DTD1: variants seen among roughly 807,000 people sequenced by gnomAD.
DTD1 encodes D-tyrosyl-tRNA deacylase 1 homolog.
In DTD1, 13 loss-of-function variants were observed where a neutral mutation model predicts 25.6. The observed-to-expected ratio is 0.51, with a 90% CI of 0.33 to 0.81. DTD1 has a LOEUF of 0.81. DTD1 is among the 30% of genes least tolerant of loss of function. The pLI is 0.02. For missense variants in DTD1, 193 were observed against 266.4 expected, an observed-to-expected ratio of 0.72 and a Z score of 1.92; for synonymous variants, 110 against 103.6, an observed-to-expected ratio of 1.06 and a Z score of -0.37.
intron 1 of DTD1, among the ~76,000 whole-genome samples, chr20:18,588,534 A>G (rs2122233289): frequency 6.6e-6 from 1 of 152,276 alleles, no homozygotes; most frequent in Non-Finnish European, 1.5e-5. Flanking sequence ...TTAAATGTTC[A>G]ATTTTTGCCC....
chr20:18,637,375 A>G (rs1308426440), intron 4 of DTD1, among the ~76,000 whole-genome samples: 2 of 152,210 alleles, frequency 1.3e-5, no homozygotes, highest in Non-Finnish European at 2.9e-5. Context: ...CGATGCAGCA[A>G]CAACAGCTCA....
chr20:18,715,715 C>T (rs1365397256), intron 4 of DTD1, among the ~76,000 whole-genome samples: 1 of 152,202 alleles, frequency 6.6e-6, no homozygotes, highest in Non-Finnish European at 1.5e-5. Flanking sequence ...GCTGGTTTTA[C>T]TTGCATCCCT....
intron 5 of DTD1, among the ~76,000 whole-genome samples, chr20:18,748,165 T>G (rs2122526434): frequency 7.5e-6 from 1 of 134,124 alleles, no homozygotes; most frequent in Non-Finnish European, 1.6e-5. Flanking sequence ...CTAAACACAC[T>G]GGCACGCATA....
chr20:18,588,851 T>A, intron 1 of DTD1: 8 of 985,414 alleles, frequency 8.1e-6, no homozygotes, highest in Non-Finnish European at 9.6e-6. Flanking sequence ...AGATGATTAG[T>A]GTAGATAAAG....
At chr20:18,623,574 GCTCTAT>G (rs1427010579) in intron 3 of DTD1, among the ~76,000 whole-genome samples, 1 of 152,108 alleles carries the variant, frequency 6.6e-6, no homozygotes, top group Non-Finnish European at 1.5e-5. Flanking sequence ...CCCCACATCT[GCTCTAT>G]CAGCAAATCC....
intron 4 of DTD1, among the ~76,000 whole-genome samples, chr20:18,671,151 A>T (rs1342624720): frequency 2.0e-5 from 3 of 152,224 alleles, no homozygotes; most frequent in Admixed American, 2.0e-4. Context: ...CTGCCACTTC[A>T]CATGACATTC....
chr20:18,659,903 C>T (rs1283734735), intron 4 of DTD1, among the ~76,000 whole-genome samples: 1 of 148,260 alleles, frequency 6.7e-6, no homozygotes, highest in Non-Finnish European at 1.5e-5. Context: ...CACATGTATC[C>T]CATAACTTTA....
chr20:18,742,373 C>T (rs182239326), intron 4 of DTD1, among the ~76,000 whole-genome samples: 37 of 152,284 alleles, frequency 2.4e-4, no homozygotes, highest in Admixed American at 2.2e-3. Context: ...GCCAGGGGTC[C>T]TCAACCCCCA....
intron 4 of DTD1, among the ~76,000 whole-genome samples, chr20:18,653,093 CTTAATTAA>C (rs1374648918): frequency 1.3e-5 from 2 of 152,104 alleles, no homozygotes; most frequent in African/African-American, 4.8e-5. Flanking sequence ...ATGGCATTGA[CTTAATTAA>C]TTAATTAATT....
Position 18,616,524 on chromosome 20 carries a change from A to C in DTD1, c.371-11603A>C, listed in dbSNP as rs75365608. Among the ~76,000 whole-genome samples, 438 of 152,296 alleles carry C rather than the reference A, an allele frequency of 2.9e-3. 15 individuals carry two copies. The East Asian group carries it at 0.047, about 16-fold the overall frequency. ...GCAATGTCAGCCACCACAGTGGCTC[A>C]CACCTATAATCCCAGCACTTTGGGA... On this transcript the variant is annotated intron_variant, in intron 3 of 5. Transcript: ENST00000377452.
chr20:18,596,317 C>G, intron 3 of DTD1, 76 bp downstream of exon 3: 3 of 1,213,976 alleles, frequency 2.5e-6, no homozygotes, highest in Non-Finnish European at 3.5e-6. Flanking sequence ...GCTGCAACTG[C>G]AGCATCTCCT....
intron 4 of DTD1, among the ~76,000 whole-genome samples, chr20:18,739,724 T>A (rs1412819492): frequency 6.7e-6 from 1 of 149,844 alleles, no homozygotes. Context: ...CTTTTCTTCT[T>A]CTTTTTTCTC....
chr20:18,742,323 T>C (rs574568125), intron 4 of DTD1, among the ~76,000 whole-genome samples: 1 of 152,252 alleles, frequency 6.6e-6, no homozygotes, highest in Admixed American at 6.5e-5. Flanking sequence ...TTAGCTGTAT[T>C]CTACAGCTTT....
At chr20:18,757,913 G>T (rs2061345777) in intron 5 of DTD1, among the ~76,000 whole-genome samples, 1 of 152,072 alleles carries the variant, frequency 6.6e-6, no homozygotes, top group Non-Finnish European at 1.5e-5. Context: ...GACTTTTTTT[G>T]GTTGGTAAGC....
At chr20:18,594,688 A>G (rs1489870081) in intron 2 of DTD1, among the ~76,000 whole-genome samples, 1 of 152,180 alleles carries the variant, frequency 6.6e-6, no homozygotes, top group Non-Finnish European at 1.5e-5. Flanking sequence ...ATTCCTGCTA[A>G]GGTGTTGATG....
At chr20:18,720,495 G>A (rs1227144043) in intron 4 of DTD1, among the ~76,000 whole-genome samples, 1 of 152,100 alleles carries the variant, frequency 6.6e-6, no homozygotes. Context: ...TCCTTCAAAT[G>A]CATCTCTGTT....
intron 4 of DTD1, among the ~76,000 whole-genome samples, chr20:18,655,662 C>G (rs2060889075): frequency 6.6e-6 from 1 of 152,188 alleles, no homozygotes; most frequent in African/African-American, 2.4e-5. Flanking sequence ...GGGTGCAGCA[C>G]ACATCACGTC....
chr20:18,664,922 G>T (rs2060925783), intron 4 of DTD1, among the ~76,000 whole-genome samples: 1 of 152,066 alleles, frequency 6.6e-6, no homozygotes, highest in Admixed American at 6.6e-5. Context: ...GGGAGACCTG[G>T]GTACACGGGG....
rs34962546 is a variant in DTD1 at position 18,692,890 on chromosome 20, A to ATTTT, written c.478-51192_478-51189dup. Reference sequence around the variant, plus strand: ...GACATTTTCTAGAAACAGGACATGGATTTTTTTTTTTTTTTTTTTTTGAGA... The same window carrying ATTTT: ...GACATTTTCTAGAAACAGGACATGGATTTTTTTTTTTTTTTTTTTTTTTTTGAGA... On this transcript the variant is annotated intron_variant, in intron 4 of 5. Transcript: ENST00000377452. Among the ~76,000 whole-genome samples, 167 of 112,448 alleles carry ATTTT rather than the reference A, an allele frequency of 1.5e-3. 7 individuals are homozygous for ATTTT. Among genetic ancestry groups the ATTTT allele is most frequent in the African/African-American group, 3.8e-3 (106 of 27,750 alleles). 73.8% of individuals were successfully genotyped at this position (112,448 alleles called of 152,430 possible). A position where few individuals can be genotyped will look rare whatever the true frequency, so the allele number is the denominator to read the frequency against.
Sources: gnomAD v4.1 joint callset for allele counts (sites outside exome capture counted in the v4.1 genomes callset) on GRCh38, gnomAD v4.1.1 for gene constraint, MANE v1.5 for transcripts, NCBI Gene and HGNC (gene_info 2026-07-23, HGNC 2026-07-21) for gene names.